Variants in PTPRT observed in about 807,000 individuals in gnomAD.
The protein encoded by PTPRT is protein tyrosine phosphatase receptor type T.
A neutral mutation model predicts 176.8 loss-of-function variants in PTPRT; 56 were observed. The ratio of observed to expected loss-of-function variants is 0.32; its 90% CI spans 0.26 to 0.40. The LOEUF is 0.40. Among genes scored for constraint, PTPRT ranks in the 10% least tolerant of loss-of-function variants. PTPRT has a pLI of 1.00. For missense variants in PTPRT, 1,540 were observed against 1,908.2 expected (o/e 0.81, Z 3.60); for synonymous variants, 783 against 739.0 (o/e 1.06, Z -0.96).
At chr20:42,337,304 A>G (rs1292377267) in intron 11 of PTPRT, among the ~76,000 whole-genome samples, 1 of 152,238 alleles carries the variant, frequency 6.6e-6, no homozygotes, top group African/African-American at 2.4e-5. Flanking sequence ...TTATATGACA[A>G]CAATGAAAAA....
Position 42,963,326 on chromosome 20 carries a change from G to A in PTPRT, c.89-77394C>T, listed in dbSNP as rs1031928002. 2.6e-5 allele frequency among the ~76,000 whole-genome samples: 4 copies of A among 151,196 alleles called. No homozygotes were observed. In the South Asian group the frequency reaches 6.3e-4, roughly 24 times the overall value. On this transcript the variant is annotated intron_variant, in intron 1 of 30. Coordinates refer to ENST00000373187, the MANE Select transcript of PTPRT (RefSeq NM_007050.6). ...GCTTGAACCCAGGAGGCAGTAAGCC[G>A]AGATCGCACCACTGCACTCCAGCCT...
At position 42,119,973 on chromosome 20, in the gene PTPRT, T is replaced by TG; in HGVS notation, c.2848-3dup. On this transcript the variant is annotated splice_region_variant and splice_polypyrimidine_tract_variant and intron_variant, in intron 19 of 30. Coordinates refer to ENST00000373187, the MANE Select transcript of PTPRT (RefSeq NM_007050.6). ...GTAGTGCCGAGGTCGATGGTATCCC[T>TG]GGATAACAGGAGAAAAGCACTGTGA... 6.2e-7 allele frequency: 1 copy of TG among 1,608,516 alleles called. No homozygotes were observed. Among genetic ancestry groups the TG allele is most frequent in the Non-Finnish European group, 8.5e-7 (1 of 1,177,322 alleles).
intron 7 of PTPRT, among the ~76,000 whole-genome samples, chr20:42,598,134 TA>T (rs568489369): frequency 0.01 from 1,537 of 151,144 alleles, 13 homozygotes; most frequent in African/African-American, 0.018. Context: ...GTATAGCTGT[TA>T]AAAAAAAACA....
chr20:42,948,970 G>T (rs1398758600), intron 1 of PTPRT, among the ~76,000 whole-genome samples: 1 of 152,136 alleles, frequency 6.6e-6, no homozygotes, highest in Non-Finnish European at 1.5e-5. Context: ...TTGATTAAAA[G>T]AGCTGCTCAC....
chr20:42,777,648 A>G (rs1425188653), intron 4 of PTPRT, among the ~76,000 whole-genome samples: 7 of 152,210 alleles, frequency 4.6e-5, no homozygotes, highest in Admixed American at 1.3e-4. Context: ...TAGTCACTTA[A>G]GTATCACTGT....
chr20:42,301,535 A>G (rs2057467773), intron 12 of PTPRT, among the ~76,000 whole-genome samples: 1 of 152,160 alleles, frequency 6.6e-6, no homozygotes, highest in South Asian at 2.1e-4. Context: ...GGCTAGTAGT[A>G]TTATGTGGAC....
intron 1 of PTPRT, 49 bp from the exon 2 acceptor site, chr20:42,885,981 G>T: frequency 2.0e-6 from 3 of 1,505,360 alleles, no homozygotes; most frequent in Non-Finnish European, 2.7e-6. Flanking sequence ...TCTGAGGCTT[G>T]GTTCGTTACC....
intron 1 of PTPRT, among the ~76,000 whole-genome samples, chr20:43,032,662 G>A (rs1399348001): frequency 1.3e-5 from 2 of 151,960 alleles, no homozygotes; most frequent in Non-Finnish European, 2.9e-5. Context: ...TCTTATCTTA[G>A]CCCCCCGCAG....
intron 1 of PTPRT, among the ~76,000 whole-genome samples, chr20:42,933,461 CTA>C (rs1979991148): frequency 6.6e-6 from 1 of 152,166 alleles, no homozygotes; most frequent in Non-Finnish European, 1.5e-5. Context: ...TGGAATCTAA[CTA>C]TGTTTTTCCA....
chr20:42,087,293 C>T (rs770140747), intron 27 of PTPRT, among the ~76,000 whole-genome samples: 6 of 152,160 alleles, frequency 3.9e-5, no homozygotes, highest in South Asian at 2.1e-4. Context: ...TGCAGTGGTG[C>T]GATCTTGGCT....
At chr20:42,859,744 C>T (rs1479432944) in intron 2 of PTPRT, among the ~76,000 whole-genome samples, 3 of 150,914 alleles carry the variant, frequency 2.0e-5, no homozygotes, top group African/African-American at 4.9e-5. Context: ...GCACCATGGC[C>T]GGCTAATTTT....
intron 9 of PTPRT, among the ~76,000 whole-genome samples, chr20:42,379,519 A>G (rs1255376596): frequency 6.6e-6 from 1 of 152,020 alleles, no homozygotes; most frequent in Non-Finnish European, 1.5e-5. Flanking sequence ...AGAGCCTCTC[A>G]CTCTTACTTT....
At chr20:42,983,750 C>A (rs772026216) in intron 1 of PTPRT, among the ~76,000 whole-genome samples, 1 of 152,234 alleles carries the variant, frequency 6.6e-6, no homozygotes, top group Non-Finnish European at 1.5e-5. Context: ...CTTCCACTTC[C>A]ACCCCACTGT....
At chr20:42,052,280 G>C in the PTPRT span, among the ~76,000 whole-genome samples, 1 of 152,164 alleles carries the variant, frequency 6.6e-6, no homozygotes, top group East Asian at 1.9e-4. Context: ...CTGAGCACAG[G>C]GCAGATGGCA....
At chr20:42,817,363 G>GTA (rs2077805687) in intron 2 of PTPRT, among the ~76,000 whole-genome samples, 2 of 138,054 alleles carry the variant, frequency 1.4e-5, no homozygotes, top group Non-Finnish European at 3.1e-5. Flanking sequence ...ATCATGTTTG[G>GTA]TTTTTTTTTT....
intron 17 of PTPRT, among the ~76,000 whole-genome samples, chr20:42,161,018 A>T (rs1485043913): frequency 6.6e-6 from 1 of 152,120 alleles, no homozygotes; most frequent in African/African-American, 2.4e-5. Flanking sequence ...TAGTGAATGG[A>T]GGTGAGACTC....
intron 29 of PTPRT, among the ~76,000 whole-genome samples, chr20:42,084,372 T>A (rs1045228443): frequency 6.6e-6 from 1 of 152,254 alleles, no homozygotes; most frequent in South Asian, 2.1e-4. Context: ...CTTTCCCTCA[T>A]GCTCTTTTTG....
intron 7 of PTPRT, among the ~76,000 whole-genome samples, chr20:42,528,576 G>A (rs2072320237): frequency 6.6e-6 from 1 of 152,078 alleles, no homozygotes; most frequent in Non-Finnish European, 1.5e-5. Context: ...GCCCTGCCTG[G>A]AATATCTTGG....
chr20:42,248,631 C>T, intron 14 of PTPRT, 56 bp downstream of exon 14: 2 of 1,594,056 alleles, frequency 1.3e-6, no homozygotes, highest in Non-Finnish European at 1.7e-6. Context: ...GGCCACACAG[C>T]AGTGTTGAGG....
Sources: gnomAD v4.1 joint callset for allele counts (sites outside exome capture counted in the v4.1 genomes callset) on GRCh38, gnomAD v4.1.1 for gene constraint, MANE v1.5 for transcripts, NCBI Gene and HGNC (gene_info 2026-07-23, HGNC 2026-07-21) for gene names.